PLS1: variants seen among roughly 807,000 people sequenced by gnomAD.
The protein encoded by PLS1 is plastin 1.
PLS1 carries 32 observed loss-of-function variants against 73.7 expected under a neutral mutation model. The observed-to-expected ratio is 0.43, with a 90% CI of 0.33 to 0.58. The LOEUF (loss-of-function observed/expected upper bound fraction) is 0.58, where lower values mean the gene tolerates loss of function less well. Ranked by LOEUF, PLS1 falls within the 20% of genes least tolerant of loss-of-function variation. The pLI, the probability that PLS1 is intolerant of heterozygous loss-of-function variation, is 0.04. For synonymous variants in PLS1, 217 were observed against 261.3 expected (o/e 0.83, Z 1.63); for missense variants, 633 against 740.5 (o/e 0.85, Z 1.68).
intron 1 of PLS1, among the ~76,000 whole-genome samples, chr3:142,619,986 G>T (rs1020587363): frequency 2.6e-5 from 4 of 152,032 alleles, no homozygotes; most frequent in African/African-American, 9.7e-5. Flanking sequence ...TTCACAAATG[G>T]CTACTCCCAC....
intron 6 of PLS1, among the ~76,000 whole-genome samples, chr3:142,679,099 C>T (rs1236741365): frequency 1.3e-5 from 2 of 151,242 alleles, no homozygotes; most frequent in East Asian, 1.9e-4. Flanking sequence ...TCATGTCCTT[C>T]ACCCACTTTT....
intron 1 of PLS1, among the ~76,000 whole-genome samples, chr3:142,598,387 C>T (rs1471303923): frequency 6.6e-6 from 1 of 152,076 alleles, no homozygotes; most frequent in African/African-American, 2.4e-5. Context: ...CATGTGTGTT[C>T]TATAATATGG....
intron 1 of PLS1, among the ~76,000 whole-genome samples, chr3:142,663,815 G>A (rs1055979819): frequency 3.3e-5 from 5 of 152,134 alleles, no homozygotes; most frequent in Non-Finnish European, 5.9e-5. Flanking sequence ...GACATTATTC[G>A]TGTCTTAAAA....
rs1225421329 is a variant in PLS1, at chr3:142,646,212, G to A, written c.-36-17990G>A. Among the ~76,000 whole-genome samples, 7 of 152,128 alleles carry A rather than the reference G, an allele frequency of 4.6e-5. No homozygotes were observed. In the East Asian group the frequency reaches 1.3e-3, roughly 29 times the overall value. ...GAACAGTGCTTGGCCTATAGTGAAC[G>A]CCCATGAATGCCTGTTATTAAAGGG... On this transcript the variant is annotated intron_variant, in intron 1 of 15. Coordinates refer to ENST00000457734, the MANE Select transcript of PLS1 (RefSeq NM_001145319.2).
chr3:142,600,899 TATATATATATATATATA>T lies in PLS1; in HGVS notation c.-37+4391_-37+4407del, dbSNP rs1325166791. Among the ~76,000 whole-genome samples, 104 of 31,038 alleles carry T rather than the reference TATATATATATATATATA, an allele frequency of 3.4e-3. 3 individuals are homozygous for T. The highest frequency in any genetic ancestry group is 0.018 in the African/African-American group (97 of 5,346). The allele number at this position is 31,038 out of a possible 152,430, so 20.4% of individuals were successfully genotyped here. ...TTTCATATATATATATATATATATA[TATATATATATATATATA>T]TTTTTTTTTTTTTTTTTTTTTTTTT... On this transcript the variant is annotated intron_variant, in intron 1 of 15. Coordinates refer to ENST00000457734, the MANE Select transcript of PLS1 (RefSeq NM_001145319.2).
At chr3:142,643,823 TC>T (rs1295004855) in intron 1 of PLS1, among the ~76,000 whole-genome samples, 20 of 133,810 alleles carry the variant, frequency 1.5e-4, no homozygotes, top group Non-Finnish European at 2.8e-4. Flanking sequence ...TTTCTTCATT[TC>T]ATTTTTTTTT....
chr3:142,599,566 T>C (rs946795826), intron 1 of PLS1, among the ~76,000 whole-genome samples: 14 of 151,668 alleles, frequency 9.2e-5, no homozygotes, highest in African/African-American at 3.4e-4. Context: ...CCTGACCTCA[T>C]GATCCACCCG....
chr3:142,684,311 C>G lies in PLS1; in HGVS notation c.804C>G (p.Pro268=). ...EELEELMKLS[P]EELLLRWVNY... ...TAGAGGAGCTGATGAAGCTTTCTCC[C>G]GAGGAATTACTGCTGCGATGGGTGA... is the stretch of plus-strand genomic sequence containing the variant. The change falls in exon 8 of 16, where the codon CCC becomes CCG. Residue 268 remains proline, a synonymous_variant. Transcript: ENST00000457734. 6.2e-7 allele frequency: 1 copy of G among 1,613,848 alleles called. No homozygotes were observed. The highest frequency in any genetic ancestry group is 8.5e-7 in the Non-Finnish European group (1 of 1,179,826).
intron 4 of PLS1, among the ~76,000 whole-genome samples, chr3:142,674,456 G>A (rs1246710834): frequency 1.3e-5 from 2 of 152,114 alleles, no homozygotes; most frequent in Non-Finnish European, 2.9e-5. Flanking sequence ...CAACAATGGA[G>A]AAGGCCAAAT....
At chr3:142,691,115 G>A (rs963371617) in intron 10 of PLS1, among the ~76,000 whole-genome samples, 1 of 151,912 alleles carries the variant, frequency 6.6e-6, no homozygotes, top group Non-Finnish European at 1.5e-5. Flanking sequence ...TTTTCTGCTT[G>A]ACTGCCATAA....
In PLS1 at chr3:142,613,683, G is replaced by C. The variant is rs57398312; in HGVS notation, c.-37+17174G>C. Among the ~76,000 whole-genome samples the C allele has an allele frequency of 9.9e-3, 1,503 of 152,262 alleles. 28 individuals carry two copies. The highest frequency in any genetic ancestry group is 0.035 in the African/African-American group (1,433 of 41,534). The stretch of plus-strand genomic sequence containing the variant: ...TGTGCCACCCTGGGGTGCGTCTCTT[G>C]CTGTAACACTGAGGTCATAGGATGG... On this transcript the variant is annotated intron_variant, in intron 1 of 15. Transcript: ENST00000457734.
rs915142382 is a variant in PLS1, at chr3:142,658,270, A to G, written c.-36-5932A>G. 5.3e-5 allele frequency among the ~76,000 whole-genome samples: 8 copies of G among 152,120 alleles called. No individual in the cohort carries two copies. The South Asian group carries it at 1.2e-3, about 24-fold the overall frequency. ...GGCAGATCACTTGAGGTCAGGAGTT[A>G]GAGACCAGCCTGGCCAACATGGTGA... On this transcript the variant is annotated intron_variant, in intron 1 of 15. Coordinates refer to ENST00000457734, the MANE Select transcript of PLS1 (RefSeq NM_001145319.2).
intron 5 of PLS1, among the ~76,000 whole-genome samples, chr3:142,677,690 G>A (rs1309603613): frequency 6.6e-6 from 1 of 151,890 alleles, no homozygotes; most frequent in African/African-American, 2.4e-5. Flanking sequence ...TAGGAGAAAT[G>A]CTTAGATTAC....
intron 14 of PLS1, among the ~76,000 whole-genome samples, chr3:142,709,383 CCTCT>C (rs890463873): frequency 3.3e-5 from 5 of 152,004 alleles, no homozygotes; most frequent in Admixed American, 3.3e-4. Flanking sequence ...TTATTTTTAC[CCTCT>C]CTCTCTTACC....
chr3:142,693,414 A>G (rs1445313982), intron 10 of PLS1, among the ~76,000 whole-genome samples: 1 of 152,208 alleles, frequency 6.6e-6, no homozygotes, highest in East Asian at 1.9e-4. Context: ...TTATAGATTT[A>G]TGTGCCAAAT....
At chr3:142,629,088 A>C (rs755538222) in intron 1 of PLS1, among the ~76,000 whole-genome samples, 1 of 152,170 alleles carries the variant, frequency 6.6e-6, no homozygotes, top group Non-Finnish European at 1.5e-5. Context: ...ATATGTGCCT[A>C]CTAGCTGAGT....
intron 14 of PLS1, among the ~76,000 whole-genome samples, chr3:142,707,367 C>A (rs1056449065): frequency 6.6e-6 from 1 of 152,122 alleles, no homozygotes; most frequent in African/African-American, 2.4e-5. Context: ...ATTTCCCTTG[C>A]TAAGAAGACA....
At chr3:142,689,851 ATCT>A in intron 10 of PLS1, 38 bp downstream of exon 10, 1 of 1,307,882 alleles carries the variant, frequency 7.6e-7, no homozygotes. Flanking sequence ...TGCTATATTT[ATCT>A]TCTTATGGTA....
chr3:142,704,458 T>C lies in PLS1; in HGVS notation c.1506-5T>C. ...AGTCTCAAATATACATCTTTTCTGT[T>C]GCAGGTACACATTGAATGTGTTATC... On this transcript the variant is annotated splice_polypyrimidine_tract_variant and splice_region_variant and intron_variant, in intron 13 of 15. Transcript: ENST00000457734. The C allele has an allele frequency of 1.3e-6, 2 of 1,598,610 alleles. No individual in the cohort carries two copies. The highest frequency in any genetic ancestry group is 2.3e-5 in the South Asian group (2 of 88,430).
Sources: allele counts gnomAD v4.1 joint callset (sites outside exome capture counted in the v4.1 genomes callset), GRCh38; gene constraint gnomAD v4.1.1; transcripts MANE v1.5; gene names NCBI Gene and HGNC (gene_info 2026-07-23, HGNC 2026-07-21).